Variants in AXIN1 observed in about 807,000 individuals in gnomAD.
AXIN1 encodes the protein axin 1.
Under a neutral mutation model 76.4 loss-of-function variants are expected in AXIN1, and 30 were observed. The observed-to-expected ratio is 0.39, with a 90% CI of 0.29 to 0.53. The LOEUF (loss-of-function observed/expected upper bound fraction) is 0.53, where lower values mean the gene tolerates loss of function less well. AXIN1 is among the 20% of genes least tolerant of loss of function. The pLI is 0.66. For missense variants in AXIN1, 1,140 were observed against 1,198.8 expected, an observed-to-expected ratio of 0.95 and a Z score of 0.72; for synonymous variants, 545 against 501.4, an observed-to-expected ratio of 1.09 and a Z score of -1.16.
intron 2 of AXIN1, among the ~76,000 whole-genome samples, chr16:324,689 G>C (rs2053539765): frequency 6.6e-6 from 1 of 152,336 alleles, no homozygotes; most frequent in South Asian, 2.1e-4. Context: ...CTTTATACCA[G>C]GAGGAGGAGG....
chr16:342,082 C>G (rs546067802), intron 2 of AXIN1, among the ~76,000 whole-genome samples: 4 of 152,326 alleles, frequency 2.6e-5, no homozygotes, highest in South Asian at 2.1e-4. Context: ...AGTGGTAACT[C>G]GCTCGGGTCC....
At chr16:289,628 G>A (rs763478334) in intron 9 of AXIN1, 21 bp from the exon 10 acceptor site, 1 of 1,612,124 alleles carries the variant, frequency 6.2e-7, no homozygotes, top group Non-Finnish European at 8.5e-7. Flanking sequence ...AGATGCAGCG[G>A]TGGTACCTGG....
chr16:289,074 TTTTTC>T (rs1431076705), intron 10 of AXIN1, among the ~76,000 whole-genome samples: 1 of 140,676 alleles, frequency 7.1e-6, no homozygotes, highest in Non-Finnish European at 1.5e-5. Context: ...CCGGAAGCCC[TTTTTC>T]TTCTTTTTTT....
chr16:293,498 A>G lies in AXIN1; in HGVS notation c.2176T>C (p.Ser726Pro). The G allele has an allele frequency of 6.2e-7, 1 of 1,609,244 alleles. No homozygotes were observed. Among genetic ancestry groups the G allele is most frequent in the South Asian group, 1.1e-5 (1 of 90,998 alleles). Residue 726 changes from serine to proline, a missense_variant, in exon 8 of 11, where the codon TCC (serine) becomes CCC (proline). Ser to Pro is a moderately conservative substitution (Grantham distance 74). Transcript: ENST00000262320. This position sits in a 1 kb window ranked among gnomAD's most constrained non-coding sequence, Gnocchi z 4.6. ...EEEKRASRAP[S>P]KQRYVQEVMR... The stretch of plus-strand genomic sequence containing the variant: ...ACGACGCGGCCGTACCTCTGCTTGG[A>G]GGGTGCTCGGCTGGCTCTCTTTTCT...
Position 322,328 on chromosome 16 carries a change from G to A in AXIN1, c.879-7645C>T, listed in dbSNP as rs895420106. Among the ~76,000 whole-genome samples, 12 of 152,336 alleles carry A rather than the reference G, an allele frequency of 7.9e-5. 1 individual carries two copies. Among genetic ancestry groups the A allele is most frequent in the African/African-American group, 2.9e-4 (12 of 41,576 alleles). On this transcript the variant is annotated intron_variant, in intron 2 of 10. Transcript: ENST00000262320. ...CTGCTGGTAGTGCGGTCTAACGGGAGGCAATAACTCATGACTGAGTATGTC... is the reference window on the plus strand; with the variant it reads ...CTGCTGGTAGTGCGGTCTAACGGGAAGCAATAACTCATGACTGAGTATGTC...
chr16:319,157 G>A (rs999786578), intron 2 of AXIN1, among the ~76,000 whole-genome samples: 3 of 152,246 alleles, frequency 2.0e-5, no homozygotes, highest in African/African-American at 4.8e-5. Flanking sequence ...CAGACTCCTC[G>A]CAACTCTTCT....
intron 6 of AXIN1, 132 bp downstream of exon 6, chr16:297,590 C>T: frequency 3.0e-6 from 4 of 1,316,248 alleles, no homozygotes; most frequent in Non-Finnish European, 4.0e-6. Context: ...CCAGTCCACT[C>T]CCTCCAGCAG....
At chr16:296,929 CAG>C (rs2052725789) in intron 7 of AXIN1, 125 bp downstream of exon 7, 1 of 1,197,828 alleles carries the variant, frequency 8.3e-7, no homozygotes, top group South Asian at 1.2e-5. Flanking sequence ...GCCACAGTGA[CAG>C]GGGAAGTGTG....
intron 2 of AXIN1, among the ~76,000 whole-genome samples, chr16:345,164 C>T (rs1166676090): frequency 6.6e-6 from 1 of 152,170 alleles, no homozygotes; most frequent in East Asian, 1.9e-4. Flanking sequence ...AAACAGGTTC[C>T]AAGGCTGAGC....
rs74000509 is a variant in AXIN1 at position 314,486 on chromosome 16, G to A, written c.1019+57C>T. On this transcript the variant is annotated intron_variant, in intron 3 of 10. Coordinates refer to ENST00000262320, the MANE Select transcript of AXIN1 (RefSeq NM_003502.4). ...CTGTCCTCAAGGGACAAGGTGTCTG[G>A]GACCGGACTTACACACTGCTGTCCG... The A allele has an allele frequency of 9.7e-4, 1,558 of 1,609,728 alleles. 15 individuals carry two copies. The African/African-American group carries it at 0.018, about 19-fold the overall frequency.
intron 7 of AXIN1, among the ~76,000 whole-genome samples, chr16:294,239 C>G (rs879356426): frequency 2.0e-5 from 3 of 152,196 alleles, no homozygotes; most frequent in Admixed American, 2.0e-4. Flanking sequence ...GTGGGTGGAT[C>G]GCCTGAGGTC....
chr16:305,531 T>C (rs1366835271), intron 4 of AXIN1, among the ~76,000 whole-genome samples: 11 of 152,106 alleles, frequency 7.2e-5, no homozygotes, highest in Middle Eastern at 6.8e-3. Flanking sequence ...ATATAGCTTG[T>C]TTGTTTTTGG....
At chr16:330,972 A>T (rs1172673099) in intron 2 of AXIN1, among the ~76,000 whole-genome samples, 1 of 152,216 alleles carries the variant, frequency 6.6e-6, no homozygotes, top group Non-Finnish European at 1.5e-5. Context: ...TACAAAGGCC[A>T]GCCAGACTGC....
intron 2 of AXIN1, among the ~76,000 whole-genome samples, chr16:328,654 C>A (rs1362492511): frequency 6.6e-6 from 1 of 152,182 alleles, no homozygotes; most frequent in East Asian, 1.9e-4. Flanking sequence ...CGAGACCACA[C>A]CATTGCTCTC....
chr16:316,388 T>C (rs1023395941), intron 2 of AXIN1, among the ~76,000 whole-genome samples: 1 of 152,216 alleles, frequency 6.6e-6, no homozygotes, highest in Non-Finnish European at 1.5e-5. Context: ...CTCCACCACA[T>C]CTAACTCCTG....
At chr16:302,626 G>T (rs1460460008) in intron 5 of AXIN1, among the ~76,000 whole-genome samples, 2 of 152,190 alleles carry the variant, frequency 1.3e-5, no homozygotes, top group African/African-American at 4.8e-5. Context: ...CCTCACGGTG[G>T]CATCTCCAGG....
intron 2 of AXIN1, among the ~76,000 whole-genome samples, chr16:324,847 C>G (rs2053544206): frequency 6.6e-6 from 1 of 152,232 alleles, no homozygotes; most frequent in Non-Finnish European, 1.5e-5. Flanking sequence ...CAGGCCCAGC[C>G]CCCGAGTCCC....
chr16:344,340 G>A (rs1203998753), intron 2 of AXIN1, among the ~76,000 whole-genome samples: 1 of 149,086 alleles, frequency 6.7e-6, no homozygotes, highest in African/African-American at 2.5e-5. Flanking sequence ...TGGGGCAGGA[G>A]AACGGCGTGA....
chr16:293,840 G>T lies in AXIN1; in HGVS notation c.1956-122C>A. 1.0e-6 allele frequency: 1 copy of T among 956,374 alleles called. No homozygotes were observed. The highest frequency in any genetic ancestry group is 1.7e-6 in the Non-Finnish European group (1 of 602,030). The allele number at this position is 956,374 out of a possible 1,614,324, so 59.2% of individuals were successfully genotyped here. ...GGATAGGATGGGATGGGGCACTGGG[G>T]CCTGGCCACCAAGCCACATGGACGT... On this transcript the variant is annotated intron_variant, in intron 7 of 10. Transcript: ENST00000262320. This position sits in a 1 kb window ranked among gnomAD's most constrained non-coding sequence, Gnocchi z 4.6.
Sources: allele counts gnomAD v4.1 joint callset (sites outside exome capture counted in the v4.1 genomes callset), GRCh38; gene constraint gnomAD v4.1.1; non-coding constraint Gnocchi (gnomAD v3.1); transcripts MANE v1.5; gene names NCBI Gene and HGNC (gene_info 2026-07-23, HGNC 2026-07-21).